Variants in TNPO2 observed in about 807,000 individuals in gnomAD.
TNPO2 encodes the protein transportin 2.
In TNPO2, 16 loss-of-function variants were observed where a neutral mutation model predicts 111.1. The observed-to-expected ratio is 0.14, with a 90% CI of 0.10 to 0.22. The LOEUF (loss-of-function observed/expected upper bound fraction) is 0.22. Ranked by LOEUF, TNPO2 falls within the 10% of genes least tolerant of loss-of-function variation. The probability of loss-of-function intolerance (pLI) is 1.00; values close to 1 mark genes in which losing one functional copy is unlikely to be tolerated. For synonymous variants in TNPO2, 481 were observed against 475.8 expected, an observed-to-expected ratio of 1.01 and a Z score of -0.14; for missense variants, 530 against 1,173.7, an observed-to-expected ratio of 0.45 and a Z score of 8.01.
Position 12,701,100 on chromosome 19 carries a change from A to G in TNPO2, c.*164T>C. On this transcript the variant is annotated 3_prime_UTR_variant, in exon 26 of 26. Coordinates refer to ENST00000425528, the MANE Select transcript of TNPO2 (RefSeq NM_001382241.1). This position sits in a 1 kb window ranked among gnomAD's most constrained non-coding sequence, Gnocchi z 5.0. ...ACCTGCCAGGAGGGCAAGTGGACGG[A>G]TGGACGGACGGACGGACGGACGGGG... is the stretch of plus-strand genomic sequence containing the variant. 1 of 437,314 alleles carries G rather than the reference A, an allele frequency of 2.3e-6. No individual in the cohort carries two copies. The highest frequency in any genetic ancestry group is 3.9e-5 in the East Asian group (1 of 25,750). The allele number at this position is 437,314 out of a possible 1,614,324, so 27.1% of individuals were successfully genotyped here.
intron 5 of TNPO2, 69 bp downstream of exon 5, chr19:12,718,960 T>C (rs2026519410): frequency 1.9e-6 from 3 of 1,579,716 alleles, no homozygotes; most frequent in Admixed American, 3.4e-5. Flanking sequence ...CATGAAGCAC[T>C]ACACTTAACA....
rs1220375886 is a variant in TNPO2 at position 12,714,889 on chromosome 19, G to A, written c.822C>T (p.Ala274=). The part of the protein sequence containing the change: ...QDHDENVALE[A]CEFWLTLAEQ... Reference sequence around the variant, plus strand: ...CGGCCAGCGTCAGCCAGAACTCACAGGCCTCAAGGGCAACGTTCTCATCAT... The same window carrying A: ...CGGCCAGCGTCAGCCAGAACTCACAAGCCTCAAGGGCAACGTTCTCATCAT... Residue 274 remains alanine, a synonymous_variant, in exon 10 of 26, where the codon GCC becomes GCT. Transcript: ENST00000425528. The A allele has an allele frequency of 2.5e-6, 4 of 1,613,784 alleles. No homozygotes were observed. The South Asian group carries it at 4.4e-5, about 18-fold the overall frequency.
rs199966689 is a variant in TNPO2 at position 12,701,793 on chromosome 19, T to C, written c.2470A>G (p.Ile824Val). The change falls in exon 23 of 26, where the codon ATC (isoleucine) becomes GTC (valine). Residue 824 changes from isoleucine (I) to valine (V), a missense_variant. Coordinates refer to ENST00000425528, the MANE Select transcript of TNPO2 (RefSeq NM_001382241.1). This position sits in a 1 kb window ranked among gnomAD's most constrained non-coding sequence, Gnocchi z 5.0. ...NEEKDSAFRGICMMIGVNPGG... is the reference protein window; with the variant it reads ...NEEKDSAFRGVCMMIGVNPGG... ...GGGTTGACACCGATCATCATGCAGATGCCGCGGAAGGCTGAGTCCTTCTCC... is the reference window on the plus strand; with the variant it reads ...GGGTTGACACCGATCATCATGCAGACGCCGCGGAAGGCTGAGTCCTTCTCC... 1 of 1,613,848 alleles carries C rather than the reference T, an allele frequency of 6.2e-7. No individual in the cohort carries two copies. Among genetic ancestry groups the C allele is most frequent in the Non-Finnish European group, 8.5e-7 (1 of 1,179,860 alleles).
Position 12,721,564 on chromosome 19 carries a change from T to G in TNPO2, c.-13-574A>C. 1 of 306,894 alleles carries G rather than the reference T, an allele frequency of 3.3e-6. No individual in the cohort carries two copies. The highest frequency in any genetic ancestry group is 6.3e-6 in the Non-Finnish European group (1 of 157,956). 19.0% of individuals were successfully genotyped at this position (306,894 alleles called of 1,614,324 possible). A position where few individuals can be genotyped will look rare whatever the true frequency, so the allele number is the denominator to read the frequency against. ...CCAAGACGATCGTCCTGATCTCTCC[T>G]GTCCCCTGTTCCTGCCCTTCAAGCT... is the stretch of plus-strand genomic sequence containing the variant. On this transcript the variant is annotated intron_variant, in intron 2 of 25. Transcript: ENST00000425528. The surrounding 1 kb of genome is among the most constrained non-coding windows in gnomAD (Gnocchi z 4.9).
At position 12,715,945 on chromosome 19, in the gene TNPO2, C is replaced by T. The variant is rs972541917; in HGVS notation, c.326-206G>A. Among the ~76,000 whole-genome samples the T allele has an allele frequency of 6.6e-6, 1 of 152,142 alleles. No homozygotes were observed. Among genetic ancestry groups the T allele is most frequent in the African/African-American group, 2.4e-5 (1 of 41,436 alleles). The stretch of plus-strand genomic sequence containing the variant: ...CTGCTGTGGCACAATCAATAGTCCA[C>T]AGCAGCCTCAAACTCCTGGCCTCAA... On this transcript the variant is annotated intron_variant, in intron 5 of 25. Coordinates refer to ENST00000425528, the MANE Select transcript of TNPO2 (RefSeq NM_001382241.1). The surrounding 1 kb of genome is among the most constrained non-coding windows in gnomAD (Gnocchi z 7.1).
chr19:12,721,123 A>G lies in TNPO2; in HGVS notation c.-13-133T>C. On this transcript the variant is annotated intron_variant, in intron 2 of 25. Transcript: ENST00000425528. The surrounding 1 kb of genome is among the most constrained non-coding windows in gnomAD (Gnocchi z 4.9). ...GCGGACAGGCGGAGGCCTCCGATCC[A>G]CGCCCGCCCAAGTGCGGGGTCCCCG... 2 of 1,493,048 alleles carry G rather than the reference A, an allele frequency of 1.3e-6. No homozygotes were observed. 92.5% of individuals were successfully genotyped at this position (1,493,048 alleles called of 1,614,324 possible).
rs777529209 is a variant in TNPO2, at chr19:12,715,364, C to G, written c.567-40G>C. The G allele has an allele frequency of 1.9e-6, 3 of 1,613,880 alleles. No individual in the cohort carries two copies. In the Admixed American group the frequency reaches 5.0e-5, roughly 27 times the overall value. On this transcript the variant is annotated intron_variant, in intron 7 of 25. Coordinates refer to ENST00000425528, the MANE Select transcript of TNPO2 (RefSeq NM_001382241.1). The surrounding 1 kb of genome is among the most constrained non-coding windows in gnomAD (Gnocchi z 7.1). ...ACACGTGGGTCACCCTGACCCTGCC[C>G]ACTCCAGGCTCCCTGGAAGCCCCCA...
At chr19:12,704,125 G>C (rs936807720) in intron 18 of TNPO2, among the ~76,000 whole-genome samples, 3 of 152,198 alleles carry the variant, frequency 2.0e-5, no homozygotes, top group African/African-American at 7.2e-5. Context: ...CCAGCACTTT[G>C]GCAGGCCGAG....
In TNPO2 at chr19:12,706,256, G is replaced by A. The variant is rs767191919; in HGVS notation, c.1608C>T (p.Leu536=). ...AFGKYQHKNL[L]ILYDAIGTLA... ...GGGTGCCAATGGCGTCATAGAGGATGAGCAGGTTCTTGTGCTGGTATTTCC... is the reference window on the plus strand; with the variant it reads ...GGGTGCCAATGGCGTCATAGAGGATAAGCAGGTTCTTGTGCTGGTATTTCC... Residue 536 remains leucine (L), a synonymous_variant, in exon 15 of 26, where the codon CTC becomes CTT. Coordinates refer to ENST00000425528, the MANE Select transcript of TNPO2 (RefSeq NM_001382241.1). This position sits in a 1 kb window ranked among gnomAD's most constrained non-coding sequence, Gnocchi z 7.0. The A allele has an allele frequency of 9.9e-6, 16 of 1,613,900 alleles. No individual in the cohort carries two copies. Among genetic ancestry groups the A allele is most frequent in the Middle Eastern group, 1.6e-4 (1 of 6,084 alleles).
At chr19:12,723,658 C>G (rs1199106306) in intron 1 of TNPO2, 111 bp downstream of exon 1, 1 of 152,184 alleles carries the variant, frequency 6.6e-6, no homozygotes, top group Non-Finnish European at 1.5e-5. Context: ...TTCACCAGCT[C>G]TAATCCCAAA....
Position 12,720,896 on chromosome 19 carries a change from G to T in TNPO2, c.82C>A (p.Gln28Lys). 1 of 1,604,226 alleles carries T rather than the reference G, an allele frequency of 6.2e-7. No individual in the cohort carries two copies. ...AAGGATACATCCTGCACGATGCGCT[G>T]AGTGGCTGTGTTGGGCGACTGTGAG... is the stretch of plus-strand genomic sequence containing the variant. ...KDSQSPNTAT[Q>K]RIVQDKLKQL... is the part of the protein sequence containing the mutation. The change falls in exon 3 of 26, where the codon CAG becomes AAG. Residue 28 changes from glutamine (Q) to lysine (K), a missense_variant. Transcript: ENST00000425528.
At position 12,702,251 on chromosome 19, in the gene TNPO2, G is replaced by A; in HGVS notation, c.2306-74C>T. 3 of 1,350,222 alleles carry A rather than the reference G, an allele frequency of 2.2e-6. No individual in the cohort carries two copies. The highest frequency in any genetic ancestry group is 3.1e-6 in the Non-Finnish European group (3 of 968,076). 83.6% of individuals were successfully genotyped at this position (1,350,222 alleles called of 1,614,324 possible). A position where few individuals can be genotyped will look rare whatever the true frequency, so the allele number is the denominator to read the frequency against. On this transcript the variant is annotated intron_variant, in intron 21 of 25. Transcript: ENST00000425528. This position sits in a 1 kb window ranked among gnomAD's most constrained non-coding sequence, Gnocchi z 5.5. ...CAAGGCACCAAGCCCCGCCCCATGA[G>A]CCCCAAGGGAATGGCTACTGCAGCC...
In TNPO2 at chr19:12,721,411, G is replaced by T; in HGVS notation, c.-13-421C>A. 1 of 759,192 alleles carries T rather than the reference G, an allele frequency of 1.3e-6. No individual in the cohort carries two copies. Among genetic ancestry groups the T allele is most frequent in the Non-Finnish European group, 1.9e-6 (1 of 513,068 alleles). The allele number at this position is 759,192 out of a possible 1,614,324, so 47.0% of individuals were successfully genotyped here. On this transcript the variant is annotated intron_variant, in intron 2 of 25. Coordinates refer to ENST00000425528, the MANE Select transcript of TNPO2 (RefSeq NM_001382241.1). The surrounding 1 kb of genome is among the most constrained non-coding windows in gnomAD (Gnocchi z 4.9). Reference sequence around the variant, plus strand: ...AGACCGTGATAGCGCCCCGGCCCCCGTGGTCTCTTCTATGCAGGCACAGTC... The same window carrying T: ...AGACCGTGATAGCGCCCCGGCCCCCTTGGTCTCTTCTATGCAGGCACAGTC...
chr19:12,704,709 G>C (rs1170176495), intron 18 of TNPO2, among the ~76,000 whole-genome samples: 1 of 151,926 alleles, frequency 6.6e-6, no homozygotes. Context: ...TGAAGACAGA[G>C]TCTCAGTTTA....
At position 12,719,435 on chromosome 19, in the gene TNPO2, G is replaced by T; in HGVS notation, c.100-99C>A. ...TATCTCTGACCACTGGGACCAGGCT[G>T]CCAGCTCCTGGGGGATCCCGCTCCC... On this transcript the variant is annotated intron_variant, in intron 3 of 25. Coordinates refer to ENST00000425528, the MANE Select transcript of TNPO2 (RefSeq NM_001382241.1). The surrounding 1 kb of genome is among the most constrained non-coding windows in gnomAD (Gnocchi z 5.0). The T allele has an allele frequency of 2.0e-6, 2 of 1,022,272 alleles. No homozygotes were observed. The highest frequency in any genetic ancestry group is 3.0e-6 in the Non-Finnish European group (2 of 664,316). The allele number at this position is 1,022,272 out of a possible 1,614,324, so 63.3% of individuals were successfully genotyped here. A position where few individuals can be genotyped will look rare whatever the true frequency, so the allele number is the denominator to read the frequency against.
chr19:12,705,417 A>G lies in TNPO2; in HGVS notation c.1864-19T>C, dbSNP rs950042300. ...TGTACATCTAGACACAGATGCCGAC[A>G]GGGGCACGGGTAAGTGGAGCAGGCC... On this transcript the variant is annotated intron_variant, in intron 17 of 25. Transcript: ENST00000425528. The surrounding 1 kb of genome is among the most constrained non-coding windows in gnomAD (Gnocchi z 7.2). 9 of 1,578,524 alleles carry G rather than the reference A, an allele frequency of 5.7e-6. No homozygotes were observed. In the African/African-American group the frequency reaches 1.2e-4, roughly 21 times the overall value.
intron 13 of TNPO2, among the ~76,000 whole-genome samples, chr19:12,708,074 G>A (rs8104187): frequency 0.14 from 20,717 of 152,070 alleles, 4,235 homozygotes; most frequent in African/African-American, 0.44. Context: ...CAACCGCCTC[G>A]GCCTCCCAAA....
In TNPO2 at chr19:12,711,288, G is replaced by C; in HGVS notation, c.1117+8C>G. ...ACCCCACCACCACCCCCAGGCAGGG[G>C]CACACACTCAAATTCCAGTCGGACA... On this transcript the variant is annotated splice_region_variant and intron_variant, in intron 12 of 25. Coordinates refer to ENST00000425528, the MANE Select transcript of TNPO2 (RefSeq NM_001382241.1). The C allele has an allele frequency of 1.2e-6, 2 of 1,611,442 alleles. No homozygotes were observed. The highest frequency in any genetic ancestry group is 1.7e-6 in the Non-Finnish European group (2 of 1,178,348).
rs1239844118 is a variant in TNPO2, at chr19:12,705,037, C to T, written c.2022+203G>A. On this transcript the variant is annotated intron_variant, in intron 18 of 25. Transcript: ENST00000425528. The surrounding 1 kb of genome is among the most constrained non-coding windows in gnomAD (Gnocchi z 7.2). Reference sequence around the variant, plus strand: ...AAAATTTTTTTTTTTAATTTTAGAACTGGGGTTTCACTATGTTGCCCAGGC... The same window carrying T: ...AAAATTTTTTTTTTTAATTTTAGAATTGGGGTTTCACTATGTTGCCCAGGC... 6.6e-6 allele frequency among the ~76,000 whole-genome samples: 1 copy of T among 151,696 alleles called. No homozygotes were observed. Among genetic ancestry groups the T allele is most frequent in the Non-Finnish European group, 1.5e-5 (1 of 67,940 alleles).
Sources: allele counts gnomAD v4.1 joint callset (sites outside exome capture counted in the v4.1 genomes callset), GRCh38; gene constraint gnomAD v4.1.1; non-coding constraint Gnocchi (gnomAD v3.1); transcripts MANE v1.5; gene names NCBI Gene and HGNC (gene_info 2026-07-23, HGNC 2026-07-21).